The following VWDE variants were observed in gnomAD, a reference collection of about 807,000 sequenced individuals.
VWDE encodes the protein von Willebrand factor D and EGF domain-containing protein.
A neutral mutation model predicts 178.4 loss-of-function variants in VWDE; 207 were observed. That is an observed-to-expected ratio of 1.16 (90% CI 1.04 to 1.30). The LOEUF (loss-of-function observed/expected upper bound fraction) is 1.30. Among genes scored for constraint, VWDE ranks in the 50% most tolerant of loss-of-function variants. The pLI is 0.00. For synonymous variants in VWDE, 738 were observed against 651.4 expected, an observed-to-expected ratio of 1.13 and a Z score of -2.02; for missense variants, 2,287 against 1,901.3, an observed-to-expected ratio of 1.20 and a Z score of -3.77.
At position 12,345,478 on chromosome 7, in the gene VWDE, C is replaced by G. The variant is rs569275675; in HGVS notation, c.3887-1009G>C. On this transcript the variant is annotated intron_variant, in intron 19 of 28. Coordinates refer to ENST00000275358, the MANE Select transcript of VWDE (RefSeq NM_001135924.3). ...ATCTGAGCTTGGCACACAGGAAACACCAAGAAAACAAGGCTAGCCAGCACA... is the reference window on the plus strand; with the variant it reads ...ATCTGAGCTTGGCACACAGGAAACAGCAAGAAAACAAGGCTAGCCAGCACA... 2.6e-5 allele frequency among the ~76,000 whole-genome samples: 4 copies of G among 152,264 alleles called. No individual in the cohort carries two copies. The South Asian group carries it at 8.3e-4, about 32-fold the overall frequency.
intron 17 of VWDE, among the ~76,000 whole-genome samples, chr7:12,356,775 G>A (rs73678111): frequency 0.017 from 2,606 of 152,280 alleles, 65 homozygotes; most frequent in African/African-American, 0.06. Flanking sequence ...TTTCAAATGA[G>A]CAAAGGACAT....
At chr7:12,384,914 T>C (rs566231049) in intron 3 of VWDE, among the ~76,000 whole-genome samples, 14 of 152,156 alleles carry the variant, frequency 9.2e-5, no homozygotes, top group Non-Finnish European at 1.5e-4. Context: ...CATTTTTAAC[T>C]TCTCATAGGC....
Position 12,379,531 on chromosome 7 carries a change from A to C in VWDE, c.825T>G (p.Asn275Lys). The C allele has an allele frequency of 6.4e-7, 1 of 1,550,696 alleles. No individual in the cohort carries two copies. The highest frequency in any genetic ancestry group is 1.2e-5 in the South Asian group (1 of 83,914). The change falls in exon 6 of 29, where the codon AAT (asparagine) becomes AAG (lysine). Residue 275 changes from asparagine (N) to lysine (K), a missense_variant. Transcript: ENST00000275358. ...FCSASVFFLENPHVQSVAIES... is the reference protein window; with the variant it reads ...FCSASVFFLEKPHVQSVAIES... ...CGATGGCTACACTTTGTACATGAGG[A>C]TTCTCCAAGAAAAAGACAGAAGCGC... is the stretch of plus-strand genomic sequence containing the variant.
Position 12,356,411 on chromosome 7 carries a change from T to C in VWDE, c.3526-81A>G, listed in dbSNP as rs376523984. 1.3e-4 allele frequency: 140 copies of C among 1,081,074 alleles called. No individual in the cohort carries two copies. The Middle Eastern group carries it at 1.8e-3, about 14-fold the overall frequency. The allele number at this position is 1,081,074 out of a possible 1,614,324, so 67.0% of individuals were successfully genotyped here. On this transcript the variant is annotated intron_variant, in intron 17 of 28. Transcript: ENST00000275358. ...TATGCCCCAGAAATCATGACAGTCA[T>C]GTATGTTTATGTACAAGTATGACCA...
intron 20 of VWDE, 26 bp from the exon 21 acceptor site, chr7:12,344,316 A>C (rs1164207219): frequency 6.4e-7 from 1 of 1,550,504 alleles, no homozygotes; most frequent in South Asian, 1.2e-5. Context: ...CCCAAGTTTT[A>C]GACATATCAA....
chr7:12,377,759 TAA>T lies in VWDE; in HGVS notation c.1024+15_1024+16del. 7.2e-7 allele frequency: 1 copy of T among 1,394,766 alleles called. No homozygotes were observed. The highest frequency in any genetic ancestry group is 9.5e-7 in the Non-Finnish European group (1 of 1,051,292). The allele number at this position is 1,394,766 out of a possible 1,614,324, so 86.4% of individuals were successfully genotyped here. A position where few individuals can be genotyped will look rare whatever the true frequency, so the allele number is the denominator to read the frequency against. The stretch of plus-strand genomic sequence containing the variant: ...TTTGCAATCTAATAATAAGATAAAA[TAA>T]AGTTAGTATATTACCTTGACCAATA... On this transcript the variant is annotated intron_variant, in intron 7 of 28. Transcript: ENST00000275358.
rs1001704421 is a variant in VWDE, at chr7:12,380,630, G to T, written c.645C>A (p.Pro215=). Residue 215 remains proline, a synonymous_variant, in exon 5 of 29, where the codon CCC becomes CCA. Transcript: ENST00000275358. ...GAAATCCCACTGAGTTTTTTGTAGC[G>T]GGAACATCAAAAGAACACCTACAGA... ...RLFCRCSFDV[P]ATKNSVGFHI... 1.9e-6 allele frequency: 3 copies of T among 1,552,178 alleles called. No individual in the cohort carries two copies. Among genetic ancestry groups the T allele is most frequent in the Non-Finnish European group, 2.6e-6 (3 of 1,147,130 alleles).
At position 12,392,913 on chromosome 7, in the gene VWDE, A is replaced by T. The variant is rs984561771; in HGVS notation, c.243+681T>A. ...AAAGACATACACTTACATATTCACA[A>T]GTATAAAGAAAAAAAGGTATGCTGG... On this transcript the variant is annotated intron_variant, in intron 2 of 28. Transcript: ENST00000275358. 2.6e-5 allele frequency among the ~76,000 whole-genome samples: 4 copies of T among 152,212 alleles called. 1 individual carries two copies. The South Asian group carries it at 8.3e-4, about 32-fold the overall frequency.
intron 23 of VWDE, 23 bp downstream of exon 23, chr7:12,342,036 A>G: frequency 6.5e-7 from 1 of 1,532,332 alleles, no homozygotes; most frequent in Non-Finnish European, 8.8e-7. Flanking sequence ...TGACATGTTC[A>G]TTGAAAATAT....
chr7:12,348,747 A>T (rs1296351247), intron 19 of VWDE, among the ~76,000 whole-genome samples: 1 of 151,152 alleles, frequency 6.6e-6, no homozygotes, highest in African/African-American at 2.4e-5. Context: ...AAGGACTATA[A>T]ATCAGGCTGC....
intron 19 of VWDE, among the ~76,000 whole-genome samples, chr7:12,349,113 T>G (rs1306020725): frequency 6.6e-6 from 1 of 152,092 alleles, no homozygotes; most frequent in Non-Finnish European, 1.5e-5. Flanking sequence ...CATTGGGAGA[T>G]ATACTTAATG....
intron 5 of VWDE, among the ~76,000 whole-genome samples, chr7:12,379,859 C>T (rs1381909854): frequency 6.6e-6 from 1 of 152,044 alleles, no homozygotes; most frequent in Non-Finnish European, 1.5e-5. Context: ...CTTTGGGAGG[C>T]CGAGGCGGGC....
rs768951008 is a variant in VWDE at position 12,356,099 on chromosome 7, G to A, written c.3745+12C>T. 1.9e-6 allele frequency: 3 copies of A among 1,549,030 alleles called. No individual in the cohort carries two copies. The highest frequency in any genetic ancestry group is 2.4e-5 in the South Asian group (2 of 83,958). On this transcript the variant is annotated intron_variant, in intron 18 of 28. Transcript: ENST00000275358. ...TTTTCTTTCTAATTTGTTATGAGGA[G>A]CAAAATCTTACCTTTGAGCTCAGGT...
chr7:12,365,813 A>C (rs900910993), intron 13 of VWDE, among the ~76,000 whole-genome samples: 1 of 152,142 alleles, frequency 6.6e-6, no homozygotes, highest in Non-Finnish European at 1.5e-5. Context: ...ACAATGTAAA[A>C]TAAAGACGGA....
At position 12,393,779 on chromosome 7, in the gene VWDE, C is replaced by G; in HGVS notation, c.59-1G>C. 6.5e-7 allele frequency: 1 copy of G among 1,541,366 alleles called. No individual in the cohort carries two copies. Among genetic ancestry groups the G allele is most frequent in the African/African-American group, 1.4e-5 (1 of 72,544 alleles). ...TGTCCCCCAGGAGAGCACTCCTGAGCTAGTATGGAAAGACAGGTGTTTTTA... is the reference window on the plus strand; with the variant it reads ...TGTCCCCCAGGAGAGCACTCCTGAGGTAGTATGGAAAGACAGGTGTTTTTA... On this transcript the variant is annotated splice_acceptor_variant, in intron 1 of 28. Coordinates refer to ENST00000275358, the MANE Select transcript of VWDE (RefSeq NM_001135924.3). LOFTEE classifies it high-confidence loss of function.
intron 2 of VWDE, among the ~76,000 whole-genome samples, chr7:12,391,089 C>T (rs920786391): frequency 2.0e-5 from 3 of 152,020 alleles, no homozygotes; most frequent in East Asian, 3.9e-4. Context: ...AATGCTATAA[C>T]TGTAACTGAA....
intron 3 of VWDE, among the ~76,000 whole-genome samples, chr7:12,384,006 T>C (rs1249201693): frequency 6.6e-6 from 1 of 152,110 alleles, no homozygotes; most frequent in Non-Finnish European, 1.5e-5. Flanking sequence ...TCCTCTATGT[T>C]TACCCAAAGG....
chr7:12,335,628 T>G (rs2128544377), intron 27 of VWDE, among the ~76,000 whole-genome samples: 1 of 151,792 alleles, frequency 6.6e-6, no homozygotes, highest in South Asian at 2.1e-4. Flanking sequence ...GCTAATTTTT[T>G]GTATTTTTAG....
chr7:12,335,794 G>T, intron 27 of VWDE, among the ~76,000 whole-genome samples: 1 of 151,894 alleles, frequency 6.6e-6, no homozygotes, highest in South Asian at 2.1e-4. Flanking sequence ...TATTTTCTAA[G>T]GTATCCATGA....
Sources: allele counts gnomAD v4.1 joint callset (sites outside exome capture counted in the v4.1 genomes callset), GRCh38; gene constraint gnomAD v4.1.1; transcripts MANE v1.5; gene names NCBI Gene and HGNC (gene_info 2026-07-23, HGNC 2026-07-21).